The following SUGP2 variants were observed in gnomAD, a reference collection of about 807,000 sequenced individuals.
SUGP2 encodes the protein SURP and G-patch domain containing 2, also known as SURP and G-patch domain-containing protein 2.
A neutral mutation model predicts 90.5 loss-of-function variants in SUGP2; 24 were observed. The observed-to-expected ratio is 0.27, with a 90% CI of 0.19 to 0.37. The LOEUF is 0.37. Ranked by LOEUF, SUGP2 falls within the 10% of genes least tolerant of loss-of-function variation. The pLI is 1.00. For synonymous variants in SUGP2, 473 were observed against 513.4 expected, an observed-to-expected ratio of 0.92 and a Z score of 1.06; for missense variants, 1,233 against 1,363.3, an observed-to-expected ratio of 0.90 and a Z score of 1.51.
chr19:19,000,199 A>T (rs1599408128), intron 8 of SUGP2, among the ~76,000 whole-genome samples: 1 of 152,284 alleles, frequency 6.6e-6, no homozygotes, highest in East Asian at 1.9e-4. Flanking sequence ...TTGCTGCCCC[A>T]GCCTCTCTAC....
chr19:19,010,989 T>A (rs2145495432), intron 4 of SUGP2, among the ~76,000 whole-genome samples: 1 of 151,054 alleles, frequency 6.6e-6, no homozygotes, highest in East Asian at 2.0e-4. Context: ...AATAAAAAAA[T>A]TAGCCAGGGT....
chr19:19,003,906 T>C lies in SUGP2; in HGVS notation c.2929+262A>G, dbSNP rs996820393. Among the ~76,000 whole-genome samples the C allele has an allele frequency of 9.2e-5, 14 of 152,276 alleles. No homozygotes were observed. In the East Asian group the frequency reaches 9.7e-4, roughly 11 times the overall value. ...TGACCCAGGCCCATCCCCTCCACAG[T>C]TGGGGATGCCCCGACCTGAATCCAG... is the stretch of plus-strand genomic sequence containing the variant. On this transcript the variant is annotated intron_variant, in intron 7 of 10. Coordinates refer to ENST00000452918, the MANE Select transcript of SUGP2 (RefSeq NM_001017392.5).
At chr19:19,021,159 C>A (rs1368920917) in intron 3 of SUGP2, among the ~76,000 whole-genome samples, 51 of 66,938 alleles carry the variant, frequency 7.6e-4, no homozygotes, top group Admixed American at 1.1e-3. Flanking sequence ...AATTCCATCT[C>A]AAAAAAAAAA....
chr19:19,010,454 T>G, intron 4 of SUGP2, 112 bp from the exon 5 acceptor site: 3 of 1,403,338 alleles, frequency 2.1e-6, no homozygotes, highest in Non-Finnish European at 2.9e-6. Flanking sequence ...TGTCCTCTCC[T>G]GTCTCAGAGG....
intron 6 of SUGP2, among the ~76,000 whole-genome samples, chr19:19,005,589 T>C (rs893009515): frequency 6.6e-6 from 1 of 152,002 alleles, no homozygotes; most frequent in Non-Finnish European, 1.5e-5. Context: ...AACCCAGCAT[T>C]TGATTAAGGT....
At chr19:19,005,942 TG>T (rs2058063261) in intron 6 of SUGP2, among the ~76,000 whole-genome samples, 2 of 149,080 alleles carry the variant, frequency 1.3e-5, no homozygotes, top group Non-Finnish European at 3.0e-5. Context: ...CAGAAACAAA[TG>T]AATCTGGGCC....
chr19:19,028,970 A>T (rs1397847032), intron 2 of SUGP2, among the ~76,000 whole-genome samples: 3 of 152,086 alleles, frequency 2.0e-5, no homozygotes, highest in African/African-American at 7.2e-5. Context: ...TACATGTGTA[A>T]GCCACTGCAC....
rs574916558 is a variant in SUGP2, at chr19:19,018,881, T to A, written c.1850+228A>T. Among the ~76,000 whole-genome samples, 6 of 152,236 alleles carry A rather than the reference T, an allele frequency of 3.9e-5. No individual in the cohort carries two copies. In the South Asian group the frequency reaches 1.2e-3, roughly 32 times the overall value. On this transcript the variant is annotated intron_variant, in intron 4 of 10. Transcript: ENST00000452918. ...ACAGCCCAGCAGGGACTTGGAGCTG[T>A]AGTCACAGGTGAGAGAAGGCCACCC...
At chr19:19,018,412 G>A (rs1568433105) in intron 4 of SUGP2, among the ~76,000 whole-genome samples, 1 of 151,858 alleles carries the variant, frequency 6.6e-6, no homozygotes. Flanking sequence ...GTTCGGCCGG[G>A]CGCGGTGGCT....
chr19:19,009,899 ATGTCCACTCCTGC>A lies in SUGP2; in HGVS notation c.2281_2293del (p.Ala761SerfsTer18). The A allele has an allele frequency of 6.2e-7, 1 of 1,613,990 alleles. No individual in the cohort carries two copies. Among genetic ancestry groups the A allele is most frequent in the Non-Finnish European group, 8.5e-7 (1 of 1,179,964 alleles). The stretch of plus-strand genomic sequence containing the variant: ...AGAAGAGGTCTGAGGTGCTTCAGAG[ATGTCCACTCCTGC>A]TGGCTTGGGGGATGGGCCTGAGGCT... On this transcript the variant is annotated frameshift_variant, in exon 5 of 11. Coordinates refer to ENST00000452918, the MANE Select transcript of SUGP2 (RefSeq NM_001017392.5). LOFTEE classifies it high-confidence loss of function.
chr19:19,008,304 G>A lies in SUGP2; in HGVS notation c.2450+13C>T, dbSNP rs773961950. 2.5e-6 allele frequency: 4 copies of A among 1,595,988 alleles called. No homozygotes were observed. The highest frequency in any genetic ancestry group is 3.4e-6 in the Non-Finnish European group (4 of 1,163,498). On this transcript the variant is annotated intron_variant, in intron 6 of 10. Transcript: ENST00000452918. ...AAAGAAAAAGGTGTGATGAGACCCG[G>A]GGGGGTACGTACCACAGGTCAGGGT...
intron 8 of SUGP2, among the ~76,000 whole-genome samples, chr19:19,001,076 C>T (rs905951250): frequency 4.0e-5 from 6 of 149,696 alleles, no homozygotes; most frequent in East Asian, 2.0e-4. Flanking sequence ...AGTGCAGTGG[C>T]GCGATCTCGG....
At chr19:19,028,236 TG>T (rs1240904883) in intron 2 of SUGP2, among the ~76,000 whole-genome samples, 23 of 152,190 alleles carry the variant, frequency 1.5e-4, no homozygotes, top group Admixed American at 1.4e-3. Flanking sequence ...GACGCTAACG[TG>T]CTACAAAGTT....
chr19:19,031,205 C>T (rs1039790500), intron 1 of SUGP2, 123 bp from the exon 2 acceptor site: 2 of 984,740 alleles, frequency 2.0e-6, no homozygotes, highest in Admixed American at 2.4e-5. Context: ...CTCAGGAGTT[C>T]GAGACCAGCC....
At chr19:18,994,816 G>A in intron 9 of SUGP2, 1 of 529,604 alleles carries the variant, frequency 1.9e-6, no homozygotes, top group Non-Finnish European at 3.4e-6. Flanking sequence ...ACCCTGGCTG[G>A]CCCGGCTATG....
rs139001412 is a variant in SUGP2, at chr19:19,010,147, G to A, written c.2046C>T (p.Leu682=). 2.0e-5 allele frequency: 33 copies of A among 1,612,660 alleles called. No individual in the cohort carries two copies. The African/African-American group carries it at 2.8e-4, about 14-fold the overall frequency. The change falls in exon 5 of 11, where the codon CTC becomes CTT. Residue 682 remains leucine, a synonymous_variant. Coordinates refer to ENST00000452918, the MANE Select transcript of SUGP2 (RefSeq NM_001017392.5). ...KKLLPWQRRG[L]LRAQGLRGWK... The stretch of plus-strand genomic sequence containing the variant: ...AGCCCCGGAGCCCTTGAGCACGGAG[G>A]AGCCCCCGCCGCTGCCACGGAAGGA...
At chr19:19,010,399 T>C (rs1016748172) in intron 4 of SUGP2, 57 bp from the exon 5 acceptor site, 8 of 1,574,202 alleles carry the variant, frequency 5.1e-6, no homozygotes, top group African/African-American at 2.7e-5. Flanking sequence ...AGGTCCCAAA[T>C]TGTTCCTTCA....
At position 19,008,361 on chromosome 19, in the gene SUGP2, G is replaced by C. The variant is rs200462244; in HGVS notation, c.2406C>G (p.Ile802Met). 17 of 1,614,040 alleles carry C rather than the reference G, an allele frequency of 1.1e-5. No homozygotes were observed. In the East Asian group the frequency reaches 3.3e-4, roughly 32 times the overall value. ...ARFVAQVGPE[I>M]EQFSIENSTD... ...TGCTGTTTTCTATGCTGAATTGTTC[G>C]ATCTCTGGTCCCACCTGAGCAACAA... Residue 802 changes from isoleucine to methionine, a missense_variant, in exon 6 of 11, where the codon ATC becomes ATG. Transcript: ENST00000452918.
chr19:19,017,919 G>A (rs2058561649), intron 4 of SUGP2, among the ~76,000 whole-genome samples: 1 of 149,476 alleles, frequency 6.7e-6, no homozygotes, highest in Non-Finnish European at 1.5e-5. Flanking sequence ...TCAAAGCACT[G>A]ATCATCACTT....
Sources: gnomAD v4.1 joint callset for allele counts (sites outside exome capture counted in the v4.1 genomes callset) on GRCh38, gnomAD v4.1.1 for gene constraint, MANE v1.5 for transcripts, NCBI Gene and HGNC (gene_info 2026-07-23, HGNC 2026-07-21) for gene names.